Variants in SLC25A37 observed in about 807,000 individuals in gnomAD.
SLC25A37 encodes the protein solute carrier family 25 member 37.
SLC25A37 carries 17 observed loss-of-function variants against 31.0 expected under a neutral mutation model. That is an observed-to-expected ratio of 0.55 (90% CI 0.38 to 0.82). The LOEUF (loss-of-function observed/expected upper bound fraction) is 0.82. Among genes scored for constraint, SLC25A37 ranks in the 40% least tolerant of loss-of-function variants. The probability of loss-of-function intolerance (pLI) is 0.00; values close to 1 mark genes in which losing one functional copy is unlikely to be tolerated. For synonymous variants in SLC25A37, 222 were observed against 193.0 expected (o/e 1.15, Z -1.24); for missense variants, 404 against 465.8 (o/e 0.87, Z 1.22).
chr8:23,529,162 A>G lies in SLC25A37; in HGVS notation c.160A>G (p.Met54Val), dbSNP rs1801608198. Residue 54 changes from methionine to valine, a missense_variant, in exon 1 of 4, where the codon ATG becomes GTG. Physicochemically the swap from Met to Val is conservative, Grantham distance 21. Transcript: ENST00000519973. This position sits in a 1 kb window ranked among gnomAD's most constrained non-coding sequence, Gnocchi z 4.1. ...GTCCACCCACATGACAGCAGGAGCGATGGCCGGGATCCTGGAGCACTCGGT... is the reference window on the plus strand; with the variant it reads ...GTCCACCCACATGACAGCAGGAGCGGTGGCCGGGATCCTGGAGCACTCGGT... ...SVSTHMTAGAMAGILEHSVMY... is the reference protein window; with the variant it reads ...SVSTHMTAGAVAGILEHSVMY... 1 of 1,611,408 alleles carries G rather than the reference A, an allele frequency of 6.2e-7. No individual in the cohort carries two copies. Among genetic ancestry groups the G allele is most frequent in the Non-Finnish European group, 8.5e-7 (1 of 1,179,088 alleles).
chr8:23,550,563 G>C (rs953389624), intron 1 of SLC25A37, among the ~76,000 whole-genome samples: 7 of 152,262 alleles, frequency 4.6e-5, no homozygotes, highest in Non-Finnish European at 8.8e-5. Context: ...ACCACACCTG[G>C]CTTGGGAGAC....
At chr8:23,558,308 G>A (rs1802421697) in intron 1 of SLC25A37, among the ~76,000 whole-genome samples, 1 of 152,186 alleles carries the variant, frequency 6.6e-6, no homozygotes, top group Non-Finnish European at 1.5e-5. Flanking sequence ...CCACTACCAG[G>A]CTCAGCTTGC....
Position 23,573,950 on chromosome 8 carries a change from G to C in SLC25A37, c.*2095G>C, listed in dbSNP as rs142140679. 720 of 394,172 alleles carry C rather than the reference G, an allele frequency of 1.8e-3. 3 individuals are homozygous for C. Among genetic ancestry groups the C allele is most frequent in the African/African-American group, 0.013 (613 of 48,024 alleles). The allele number at this position is 394,172 out of a possible 1,614,324, so 24.4% of individuals were successfully genotyped here. ...ACCTGCCTTGGGTTCGTGTTAAATGGTGTTAAATTCTGCAAATGGAGGGGA... is the reference window on the plus strand; with the variant it reads ...ACCTGCCTTGGGTTCGTGTTAAATGCTGTTAAATTCTGCAAATGGAGGGGA... On this transcript the variant is annotated 3_prime_UTR_variant, in exon 4 of 4. Transcript: ENST00000519973.
intron 1 of SLC25A37, among the ~76,000 whole-genome samples, chr8:23,555,110 C>T (rs1802328057): frequency 6.6e-6 from 1 of 152,176 alleles, no homozygotes; most frequent in South Asian, 2.1e-4. Context: ...CCTCACCTGA[C>T]TGCTGTCTTC....
intron 1 of SLC25A37, among the ~76,000 whole-genome samples, chr8:23,546,529 GTGTATATATATATATA>G (rs1802048719): frequency 9.3e-5 from 6 of 64,238 alleles, no homozygotes; most frequent in Admixed American, 3.0e-4. Context: ...ATATATATAG[GTGTATATATATATATA>G]TATATATAGT....
chr8:23,568,726 T>C lies in SLC25A37; in HGVS notation c.496+348T>C, dbSNP rs1203047523. 1.7e-5 allele frequency: 5 copies of C among 297,904 alleles called. No individual in the cohort carries two copies. The Admixed American group carries it at 2.2e-4, about 13-fold the overall frequency. The allele number at this position is 297,904 out of a possible 1,614,324, so 18.5% of individuals were successfully genotyped here. A position where few individuals can be genotyped will look rare whatever the true frequency, so the allele number is the denominator to read the frequency against. Reference sequence around the variant, plus strand: ...GGGAGGCCGAGGTGGGCAGATCACTTGAGGTCAGGAGTTCGAGACCAGCCT... The same window carrying C: ...GGGAGGCCGAGGTGGGCAGATCACTCGAGGTCAGGAGTTCGAGACCAGCCT... On this transcript the variant is annotated intron_variant, in intron 3 of 3. Transcript: ENST00000519973.
rs1422838853 is a variant in SLC25A37, at chr8:23,573,574, T to G, written c.*1719T>G. The G allele has an allele frequency of 1.3e-5, 4 of 306,522 alleles. No individual in the cohort carries two copies. The highest frequency in any genetic ancestry group is 8.7e-5 in the African/African-American group (4 of 46,128). 19.0% of individuals were successfully genotyped at this position (306,522 alleles called of 1,614,324 possible). On this transcript the variant is annotated 3_prime_UTR_variant, in exon 4 of 4. Coordinates refer to ENST00000519973, the MANE Select transcript of SLC25A37 (RefSeq NM_016612.4). Reference sequence around the variant, plus strand: ...CCTGGATTCTTTTGAGTGGTGCTACTGCCTAGGAAGTAACACGTGGAGAAT... The same window carrying G: ...CCTGGATTCTTTTGAGTGGTGCTACGGCCTAGGAAGTAACACGTGGAGAAT...
rs1324597012 is a variant in SLC25A37, at chr8:23,575,043, A to C, written c.*3188A>C. 2.6e-5 allele frequency: 4 copies of C among 152,194 alleles called. No individual in the cohort carries two copies. Among genetic ancestry groups the C allele is most frequent in the African/African-American group, 9.7e-5 (4 of 41,448 alleles). 9.4% of individuals were successfully genotyped at this position (152,194 alleles called of 1,614,324 possible). Reference sequence around the variant, plus strand: ...CATGACTATGTTTTCTTAACTTTGCATTGAATCTATTTACTGGGTTACATT... The same window carrying C: ...CATGACTATGTTTTCTTAACTTTGCCTTGAATCTATTTACTGGGTTACATT... On this transcript the variant is annotated 3_prime_UTR_variant, in exon 4 of 4. Coordinates refer to ENST00000519973, the MANE Select transcript of SLC25A37 (RefSeq NM_016612.4).
At chr8:23,561,608 C>A (rs1466298135) in intron 1 of SLC25A37, among the ~76,000 whole-genome samples, 1 of 152,178 alleles carries the variant, frequency 6.6e-6, no homozygotes, top group Non-Finnish European at 1.5e-5. Context: ...GGTGGCTGTA[C>A]AGCCTGGGCA....
chr8:23,559,352 T>C (rs997766187), intron 1 of SLC25A37, among the ~76,000 whole-genome samples: 5 of 151,488 alleles, frequency 3.3e-5, no homozygotes, highest in East Asian at 2.0e-4. Context: ...TGTGTGTGTG[T>C]GCGTGTGTGT....
chr8:23,569,693 G>C (rs556943691), intron 3 of SLC25A37, among the ~76,000 whole-genome samples: 2 of 152,076 alleles, frequency 1.3e-5, no homozygotes, highest in African/African-American at 4.8e-5. Context: ...TTTAAATTTC[G>C]GGGGTAATAT....
At chr8:23,569,637 C>T (rs1047804009) in intron 3 of SLC25A37, among the ~76,000 whole-genome samples, 4 of 152,226 alleles carry the variant, frequency 2.6e-5, no homozygotes, top group South Asian at 2.1e-4. Context: ...CACATTGGGT[C>T]ATTTTGTTTT....
chr8:23,547,985 G>A (rs776635343), intron 1 of SLC25A37, among the ~76,000 whole-genome samples: 6 of 152,090 alleles, frequency 3.9e-5, no homozygotes, highest in Non-Finnish European at 5.9e-5. Flanking sequence ...AGCCGGCATG[G>A]CCAAGGTCAC....
At chr8:23,543,154 G>A (rs57217457) in intron 1 of SLC25A37, 1 of 151,600 alleles carries the variant, frequency 6.6e-6, no homozygotes, top group East Asian at 1.9e-4. Flanking sequence ...CTGCAGCCTC[G>A]AACTCCTGGG....
intron 1 of SLC25A37, among the ~76,000 whole-genome samples, chr8:23,559,340 T>TGTGTGTGTGTGTGC (rs1386856009): frequency 1.9e-4 from 29 of 148,880 alleles, no homozygotes; most frequent in Non-Finnish European, 3.7e-4. Flanking sequence ...TCTCCGGTTG[T>TGTGTGTGTGTGTGC]GTGTGTGTGT....
rs2079810258 is a variant in SLC25A37, at chr8:23,529,084, A to G, written c.82A>G (p.Lys28Glu). The change falls in exon 1 of 4, where the codon AAG becomes GAG. Residue 28 changes from lysine (K) to glutamate (E), a missense_variant. By Grantham distance (56) the Lys-to-Glu change is moderately conservative (BLOSUM62 1). Coordinates refer to ENST00000519973, the MANE Select transcript of SLC25A37 (RefSeq NM_016612.4). The surrounding 1 kb of genome is among the most constrained non-coding windows in gnomAD (Gnocchi z 4.1). The stretch of plus-strand genomic sequence containing the variant: ...GGACAGCCGAGATGGCGGCGGCGGC[A>G]AGGACGCCACCGGGTCGGAGGACTA... Reference protein sequence around the residue: ...DGDSRDGGGGKDATGSEDYEN... With the variant: ...DGDSRDGGGGEDATGSEDYEN... 1 of 1,602,396 alleles carries G rather than the reference A, an allele frequency of 6.2e-7. No homozygotes were observed. Among genetic ancestry groups the G allele is most frequent in the African/African-American group, 1.3e-5 (1 of 74,520 alleles).
chr8:23,532,733 C>T (rs887595863), intron 1 of SLC25A37, among the ~76,000 whole-genome samples: 1 of 152,212 alleles, frequency 6.6e-6, no homozygotes, highest in Non-Finnish European at 1.5e-5. Context: ...CTCTAGGAGC[C>T]TCCTGGCTGA....
At chr8:23,543,104 T>C (rs1385550439) in intron 1 of SLC25A37, 1 of 152,052 alleles carries the variant, frequency 6.6e-6, no homozygotes, top group Non-Finnish European at 1.5e-5. Flanking sequence ...GGTCTTGCCT[T>C]GTCGCCTAGG....
intron 1 of SLC25A37, among the ~76,000 whole-genome samples, chr8:23,548,169 T>C (rs1287076836): frequency 6.6e-6 from 1 of 152,158 alleles, no homozygotes; most frequent in African/African-American, 2.4e-5. Flanking sequence ...TCACTTCATT[T>C]CTTCTCTCTT....
Sources: allele counts gnomAD v4.1 joint callset (sites outside exome capture counted in the v4.1 genomes callset), GRCh38; gene constraint gnomAD v4.1.1; non-coding constraint Gnocchi (gnomAD v3.1); transcripts MANE v1.5; gene names NCBI Gene and HGNC (gene_info 2026-07-23, HGNC 2026-07-21).